Variants in IKBKB observed in about 807,000 individuals in gnomAD.
The protein encoded by IKBKB is inhibitor of nuclear factor kappa-B kinase subunit beta.
A neutral mutation model predicts 113.6 loss-of-function variants in IKBKB; 42 were observed. The observed-to-expected ratio is 0.37, with a 90% CI of 0.29 to 0.48. IKBKB has a LOEUF of 0.48. IKBKB is among the 20% of genes least tolerant of loss of function. IKBKB has a pLI of 0.99. For missense variants in IKBKB, 673 were observed against 939.7 expected (o/e 0.72, Z 3.71); for synonymous variants, 296 against 361.3 (o/e 0.82, Z 2.05).
chr8:42,324,160 G>A (rs944341400), intron 19 of IKBKB, among the ~76,000 whole-genome samples: 1 of 152,234 alleles, frequency 6.6e-6, no homozygotes, highest in Non-Finnish European at 1.5e-5. Flanking sequence ...AGAGCCTGGG[G>A]AGTCAGTGTG....
chr8:42,278,977 A>G (rs1809763663), intron 2 of IKBKB, among the ~76,000 whole-genome samples: 1 of 151,976 alleles, frequency 6.6e-6, no homozygotes, highest in Non-Finnish European at 1.5e-5. Context: ...CTGGGCAACA[A>G]GAGCGAAACT....
At chr8:42,283,976 C>T (rs1351267211) in intron 2 of IKBKB, among the ~76,000 whole-genome samples, 14 of 152,256 alleles carry the variant, frequency 9.2e-5, no homozygotes, top group Admixed American at 7.2e-4. Context: ...CACGCTGCAG[C>T]GGGGCCATCG....
intron 19 of IKBKB, 129 bp downstream of exon 19, chr8:42,322,623 C>A: frequency 1.1e-6 from 1 of 893,156 alleles, no homozygotes; most frequent in East Asian, 2.4e-5. Context: ...GCTGCTCGGG[C>A]TTCACGTCGC....
At chr8:42,273,960 A>G (rs1808371593) in intron 2 of IKBKB, among the ~76,000 whole-genome samples, 2 of 152,212 alleles carry the variant, frequency 1.3e-5, no homozygotes, top group South Asian at 2.1e-4. Context: ...TGGCGTGTTC[A>G]TCACTTGAAA....
intron 3 of IKBKB, among the ~76,000 whole-genome samples, chr8:42,289,044 G>A (rs552239410): frequency 1.1e-4 from 16 of 152,200 alleles, no homozygotes; most frequent in East Asian, 9.7e-4. Context: ...AGGAAACCCC[G>A]TCTCTACTAA....
At chr8:42,288,797 G>C in intron 3 of IKBKB, 69 bp downstream of exon 3, 1 of 1,295,104 alleles carries the variant, frequency 7.7e-7, no homozygotes, top group Non-Finnish European at 1.1e-6. Context: ...CTAGAAAGGA[G>C]AGTCTTGCTG....
At chr8:42,322,566 G>A (rs17875721) in intron 19 of IKBKB, 72 bp downstream of exon 19, 59,818 of 1,515,360 alleles carry the variant, frequency 0.039, 1,419 homozygotes, top group Non-Finnish European at 0.046. Context: ...GTGCACTGCC[G>A]CCATCCCACA....
intron 12 of IKBKB, among the ~76,000 whole-genome samples, chr8:42,318,179 T>A (rs1819050899): frequency 6.6e-6 from 1 of 151,970 alleles, no homozygotes; most frequent in Admixed American, 6.6e-5. Context: ...AAGGATCACT[T>A]GAGCCTGAGA....
At chr8:42,294,319 T>G (rs1451523797) in intron 5 of IKBKB, among the ~76,000 whole-genome samples, 1 of 152,258 alleles carries the variant, frequency 6.6e-6, no homozygotes, top group Non-Finnish European at 1.5e-5. Flanking sequence ...GTATACATTT[T>G]TTCTTTTTGT....
At chr8:42,272,012 C>T in intron 1 of IKBKB, 71 bp from the exon 2 acceptor site, 4 of 1,346,512 alleles carry the variant, frequency 3.0e-6, no homozygotes, top group Non-Finnish European at 2.1e-6. Flanking sequence ...TATCTCTTGC[C>T]TTCTCCATCC....
chr8:42,319,436 T>C lies in IKBKB; in HGVS notation c.1516+15T>C. On this transcript the variant is annotated intron_variant, in intron 14 of 21. Coordinates refer to ENST00000520810, the MANE Select transcript of IKBKB (RefSeq NM_001556.3). Reference sequence around the variant, plus strand: ...GTTTGGGATCAGTGAGTGTGCACTTTGCAATGAGTTTAAAGACACCATTTT... The same window carrying C: ...GTTTGGGATCAGTGAGTGTGCACTTCGCAATGAGTTTAAAGACACCATTTT... 1 of 1,614,196 alleles carries C rather than the reference T, an allele frequency of 6.2e-7. No individual in the cohort carries two copies. Among genetic ancestry groups the C allele is most frequent in the Non-Finnish European group, 8.5e-7 (1 of 1,179,978 alleles).
chr8:42,292,841 G>A (rs765511961), intron 4 of IKBKB, among the ~76,000 whole-genome samples: 2 of 152,302 alleles, frequency 1.3e-5, no homozygotes, highest in East Asian at 1.9e-4. Flanking sequence ...ACAGGTATCC[G>A]ACCGTGTAAC....
intron 4 of IKBKB, 88 bp from the exon 5 acceptor site, chr8:42,293,355 C>G: frequency 6.5e-7 from 1 of 1,549,940 alleles, no homozygotes; most frequent in Non-Finnish European, 8.9e-7. Flanking sequence ...GGTCAGCACT[C>G]TGGTCACATG....
At chr8:42,318,161 T>G (rs1290198347) in intron 12 of IKBKB, among the ~76,000 whole-genome samples, 1 of 151,764 alleles carries the variant, frequency 6.6e-6, no homozygotes, top group Admixed American at 6.6e-5. Context: ...TTCAGGAGGC[T>G]GAGGCAGAAG....
chr8:42,289,485 T>C (rs1389848391), intron 3 of IKBKB, among the ~76,000 whole-genome samples: 1 of 152,254 alleles, frequency 6.6e-6, no homozygotes, highest in Non-Finnish European at 1.5e-5. Flanking sequence ...GCTGTCATGC[T>C]GTCGCTGACA....
chr8:42,309,496 T>C (rs1407392687), intron 8 of IKBKB: 2 of 419,966 alleles, frequency 4.8e-6, no homozygotes, highest in Non-Finnish European at 9.5e-6. Flanking sequence ...GGCTCACTCC[T>C]GTAATCCCAG....
In IKBKB at chr8:42,271,404, G is replaced by A; in HGVS notation, c.-84G>A. ...AGGGGGGTGTCATAGCCCCGGGTTT[G>A]GCCGCCCCAGCCCCGCCTTCCCCGC... On this transcript the variant is annotated 5_prime_UTR_variant, in exon 1 of 22. Transcript: ENST00000520810. The A allele has an allele frequency of 6.6e-7, 1 of 1,517,358 alleles. No homozygotes were observed. The highest frequency in any genetic ancestry group is 8.8e-7 in the Non-Finnish European group (1 of 1,132,172). The allele number at this position is 1,517,358 out of a possible 1,614,324, so 94.0% of individuals were successfully genotyped here.
At chr8:42,295,638 T>A (rs1406145071) in intron 5 of IKBKB, among the ~76,000 whole-genome samples, 1 of 151,996 alleles carries the variant, frequency 6.6e-6, no homozygotes, top group African/African-American at 2.4e-5. Flanking sequence ...GGCAGAAAAC[T>A]GCTTGAACCC....
intron 5 of IKBKB, among the ~76,000 whole-genome samples, chr8:42,295,153 C>G (rs1248137539): frequency 8.4e-5 from 1 of 11,900 alleles, no homozygotes; most frequent in Non-Finnish European, 1.4e-4. Context: ...ATGGCTTACT[C>G]TGTTGCCCAG....
Sources: allele counts gnomAD v4.1 joint callset (sites outside exome capture counted in the v4.1 genomes callset), GRCh38; gene constraint gnomAD v4.1.1; transcripts MANE v1.5; gene names NCBI Gene and HGNC (gene_info 2026-07-23, HGNC 2026-07-21).